The following SUMF1 variants were observed in gnomAD, a reference collection of about 807,000 sequenced individuals.
SUMF1 encodes the protein formylglycine-generating enzyme.
SUMF1 carries 48 observed loss-of-function variants against 47.6 expected under a neutral mutation model. The ratio of observed to expected loss-of-function variants is 1.01; its 90% CI spans 0.80 to 1.28. The LOEUF (loss-of-function observed/expected upper bound fraction) is 1.28. SUMF1 is among the 50% of genes most tolerant of loss of function. The pLI is 0.00. For missense variants in SUMF1, 571 were observed against 485.4 expected (o/e 1.18, Z -1.66); for synonymous variants, 230 against 192.1 (o/e 1.20, Z -1.63).
chr3:4,094,073 A>G (rs532755354), intron 8 of SUMF1, among the ~76,000 whole-genome samples: 3 of 152,224 alleles, frequency 2.0e-5, no homozygotes, highest in Admixed American at 6.5e-5. Flanking sequence ...GATACAGAAA[A>G]TAAATAAGAA....
At chr3:4,184,448 T>A (rs558569264) in intron 8 of SUMF1, among the ~76,000 whole-genome samples, 1 of 151,092 alleles carries the variant, frequency 6.6e-6, no homozygotes, top group East Asian at 2.0e-4. Flanking sequence ...AAAGTGAAAC[T>A]GGGTCTCAAA....
At chr3:4,117,174 T>G (rs1693441052) in intron 8 of SUMF1, among the ~76,000 whole-genome samples, 1 of 152,146 alleles carries the variant, frequency 6.6e-6, no homozygotes, top group African/African-American at 2.4e-5. Flanking sequence ...GAATTATGGC[T>G]TTTTTATATT....
chr3:4,363,343 A>G (rs146456555), intron 8 of SUMF1, among the ~76,000 whole-genome samples: 1 of 152,326 alleles, frequency 6.6e-6, no homozygotes, highest in East Asian at 1.9e-4. Context: ...GTGGGACAAC[A>G]TTGCTTTTTA....
chr3:4,192,356 A>G (rs1489986277), intron 8 of SUMF1, among the ~76,000 whole-genome samples: 2 of 152,182 alleles, frequency 1.3e-5, no homozygotes, highest in Non-Finnish European at 2.9e-5. Context: ...TTATAAAATA[A>G]GAATATAAAG....
At chr3:4,220,600 T>A (rs1308002780) in intron 8 of SUMF1, among the ~76,000 whole-genome samples, 4 of 152,110 alleles carry the variant, frequency 2.6e-5, no homozygotes, top group African/African-American at 9.7e-5. Flanking sequence ...GGTCAAGTGT[T>A]CTTGGATGAT....
intron 8 of SUMF1, among the ~76,000 whole-genome samples, chr3:4,093,545 A>G (rs553471535): frequency 6.6e-6 from 1 of 152,272 alleles, no homozygotes; most frequent in Admixed American, 6.5e-5. Flanking sequence ...GAGTAGGAGC[A>G]TACAAACACT....
intron 6 of SUMF1, among the ~76,000 whole-genome samples, chr3:4,416,252 A>C (rs1433315220): frequency 6.6e-6 from 1 of 152,202 alleles, no homozygotes; most frequent in African/African-American, 2.4e-5. Context: ...TCTATCTTTC[A>C]AAAATCATCA....
intron 1 of SUMF1, among the ~76,000 whole-genome samples, chr3:4,464,912 C>G (rs187268193): frequency 6.6e-6 from 1 of 152,248 alleles, no homozygotes; most frequent in East Asian, 1.9e-4. Context: ...TAAGAACTGG[C>G]CAAAGATGGC....
intron 8 of SUMF1, among the ~76,000 whole-genome samples, chr3:4,188,102 T>C (rs1695240440): frequency 6.6e-6 from 1 of 151,780 alleles, no homozygotes; most frequent in Non-Finnish European, 1.5e-5. Flanking sequence ...CTCACCAGAG[T>C]AGCACATGTG....
Position 4,217,514 on chromosome 3 carries a change from T to TATATATATATATA in SUMF1, c.1015-148770_1015-148769insTATATATATATAT, listed in dbSNP as rs1553610066. Among the ~76,000 whole-genome samples, 10 of 45,196 alleles carry TATATATATATATA rather than the reference T, an allele frequency of 2.2e-4. 1 individual carries two copies. Among genetic ancestry groups the TATATATATATATA allele is most frequent in the African/African-American group, 8.3e-4 (8 of 9,638 alleles). 29.7% of individuals were successfully genotyped at this position (45,196 alleles called of 152,430 possible). A position where few individuals can be genotyped will look rare whatever the true frequency, so the allele number is the denominator to read the frequency against. Reference sequence around the variant, plus strand: ...TGTATCCCAGAACTTAAAGTATTTTTTATATATATATATATATATATATAT... The same window carrying TATATATATATATA: ...TGTATCCCAGAACTTAAAGTATTTTTATATATATATATATATATATATATATATATATATATAT... On this transcript the variant is annotated intron_variant and NMD_transcript_variant, in intron 8 of 12. Transcript: ENST00000448413.
intron 8 of SUMF1, among the ~76,000 whole-genome samples, chr3:4,129,365 G>A (rs1693731941): frequency 6.6e-6 from 1 of 152,216 alleles, no homozygotes; most frequent in Admixed American, 6.5e-5. Context: ...TCTGGCATTG[G>A]CTAATCAATC....
At chr3:4,460,360 G>C (rs2079777932) in intron 1 of SUMF1, among the ~76,000 whole-genome samples, 1 of 152,044 alleles carries the variant, frequency 6.6e-6, no homozygotes, top group Non-Finnish European at 1.5e-5. Context: ...AAAAAATAAA[G>C]TGTCAATCTG....
intron 8 of SUMF1, among the ~76,000 whole-genome samples, chr3:4,192,206 C>A (rs143135083): frequency 1.6e-3 from 245 of 152,050 alleles, no homozygotes; most frequent in Non-Finnish European, 2.3e-3. Context: ...CAGTTCATGA[C>A]CAGTGTTATA....
intron 8 of SUMF1, among the ~76,000 whole-genome samples, chr3:4,097,017 G>C (rs1349908023): frequency 6.6e-6 from 1 of 152,114 alleles, no homozygotes; most frequent in Non-Finnish European, 1.5e-5. Flanking sequence ...CATTTAGCCA[G>C]TATGTCAGAT....
intron 8 of SUMF1, chr3:4,303,250 A>G (rs1002339039): frequency 6.2e-6 from 7 of 1,120,898 alleles, no homozygotes; most frequent in African/African-American, 3.4e-5. Flanking sequence ...CTTCCAGGCC[A>G]CTCCTGAGAA....
At chr3:4,069,526 C>T (rs1695467093) in intron 8 of SUMF1, among the ~76,000 whole-genome samples, 1 of 152,128 alleles carries the variant, frequency 6.6e-6, no homozygotes, top group Non-Finnish European at 1.5e-5. Context: ...TGCCCTCTTC[C>T]ATTTCTTGCT....
At chr3:4,078,919 CTT>C (rs1692497498) in intron 8 of SUMF1, among the ~76,000 whole-genome samples, 1 of 152,042 alleles carries the variant, frequency 6.6e-6, no homozygotes, top group Non-Finnish European at 1.5e-5. Context: ...AGTTTATACT[CTT>C]AAAATCTCTT....
chr3:4,235,978 T>C lies in SUMF1; in HGVS notation c.1014+140352A>G, dbSNP rs115937201. On this transcript the variant is annotated intron_variant and NMD_transcript_variant, in intron 8 of 12. Transcript: ENST00000448413. ...ATTTTTTTGAGACAGGGTCTGGCTC[T>C]GTCATACAGGTTGGAGTTCAGCGAT... Among the ~76,000 whole-genome samples the C allele has an allele frequency of 2.7e-3, 410 of 152,186 alleles. 3 individuals are homozygous for C. The highest frequency in any genetic ancestry group is 9.4e-3 in the African/African-American group (390 of 41,542).
At chr3:4,206,595 G>C (rs147872578) in intron 8 of SUMF1, among the ~76,000 whole-genome samples, 1 of 152,242 alleles carries the variant, frequency 6.6e-6, no homozygotes, top group East Asian at 1.9e-4. Flanking sequence ...GGGTGTTGGA[G>C]GCAATTCAAA....
Sources: gnomAD v4.1 joint callset for allele counts (sites outside exome capture counted in the v4.1 genomes callset) on GRCh38, gnomAD v4.1.1 for gene constraint, MANE v1.5 for transcripts, NCBI Gene and HGNC (gene_info 2026-07-23, HGNC 2026-07-21) for gene names.